The following FCHSD2 variants were observed in gnomAD, a reference collection of about 807,000 sequenced individuals.
The protein encoded by FCHSD2 is FCH and double SH3 domains 2.
Under a neutral mutation model 108.1 loss-of-function variants are expected in FCHSD2, and 38 were observed. The ratio of observed to expected loss-of-function variants is 0.35; its 90% CI spans 0.27 to 0.46. FCHSD2 has a LOEUF of 0.46. Among genes scored for constraint, FCHSD2 ranks in the 20% least tolerant of loss-of-function variants. FCHSD2 has a pLI of 1.00. For synonymous variants in FCHSD2, 279 were observed against 314.7 expected (o/e 0.89, Z 1.20); for missense variants, 751 against 897.8 (o/e 0.84, Z 2.09).
intron 9 of FCHSD2, among the ~76,000 whole-genome samples, chr11:72,915,789 G>A (rs1040414223): frequency 1.3e-5 from 2 of 152,170 alleles, no homozygotes; most frequent in African/African-American, 2.4e-5. Flanking sequence ...TTGCTCTCCA[G>A]CCTGGGTGAC....
chr11:72,988,227 T>C (rs371405339), intron 6 of FCHSD2, among the ~76,000 whole-genome samples: 1 of 152,204 alleles, frequency 6.6e-6, no homozygotes, highest in Non-Finnish European at 1.5e-5. Context: ...GTCTCAGCTC[T>C]CCTTCTCACA....
At chr11:73,079,300 G>T (rs1859628182) in intron 3 of FCHSD2, among the ~76,000 whole-genome samples, 1 of 151,292 alleles carries the variant, frequency 6.6e-6, no homozygotes, top group South Asian at 2.1e-4. Flanking sequence ...GGTTTCAAGT[G>T]ATTCTCCTGC....
intron 8 of FCHSD2, among the ~76,000 whole-genome samples, chr11:72,958,626 G>C (rs1856760797): frequency 6.6e-6 from 1 of 152,110 alleles, no homozygotes. Context: ...TTCCTATACT[G>C]ATCCATCAGT....
chr11:73,077,589 A>G, intron 3 of FCHSD2: 2 of 423,714 alleles, frequency 4.7e-6, no homozygotes, highest in South Asian at 3.5e-5. Context: ...AACTTTATTT[A>G]TAATACTCAA....
At chr11:73,139,940 A>G in intron 2 of FCHSD2, 91 bp downstream of exon 2, 1 of 670,810 alleles carries the variant, frequency 1.5e-6, no homozygotes, top group Non-Finnish European at 2.4e-6. Context: ...ATCCAAAAGG[A>G]AATTCCATCA....
chr11:72,860,217 G>A (rs1250146530), intron 13 of FCHSD2, among the ~76,000 whole-genome samples: 5 of 152,168 alleles, frequency 3.3e-5, no homozygotes, highest in African/African-American at 1.2e-4. Context: ...GTTCCTAACA[G>A]GCCATGGACC....
intron 2 of FCHSD2, among the ~76,000 whole-genome samples, chr11:73,128,011 CAAA>C (rs1340416463): frequency 1.4e-5 from 1 of 69,634 alleles, no homozygotes. Context: ...AAGACCATCT[CAAA>C]AAAAAAAAAA....
At chr11:73,020,704 T>G (rs1858080339) in intron 3 of FCHSD2, among the ~76,000 whole-genome samples, 3 of 152,054 alleles carry the variant, frequency 2.0e-5, no homozygotes, top group Non-Finnish European at 4.4e-5. Context: ...AATTACATAA[T>G]AAATTGTCTT....
At chr11:72,903,345 T>C (rs1291911615) in intron 9 of FCHSD2, among the ~76,000 whole-genome samples, 4 of 151,884 alleles carry the variant, frequency 2.6e-5, no homozygotes, top group Non-Finnish European at 4.4e-5. Flanking sequence ...GCTTCCCGAG[T>C]AGCTGGGACT....
intron 14 of FCHSD2, among the ~76,000 whole-genome samples, chr11:72,847,582 A>G (rs1861179341): frequency 6.6e-6 from 1 of 152,186 alleles, no homozygotes; most frequent in African/African-American, 2.4e-5. Flanking sequence ...GTACTATATG[A>G]AAGGACATTT....
intron 12 of FCHSD2, among the ~76,000 whole-genome samples, chr11:72,871,898 T>C (rs1854867286): frequency 6.6e-6 from 1 of 151,978 alleles, no homozygotes; most frequent in African/African-American, 2.4e-5. Context: ...AACAGGTACA[T>C]AATTTTGATT....
Position 72,887,511 on chromosome 11 carries a change from G to A in FCHSD2, c.1105C>T (p.Gln369Ter). The A allele has an allele frequency of 6.2e-7, 1 of 1,605,538 alleles. No homozygotes were observed. Among genetic ancestry groups the A allele is most frequent in the Non-Finnish European group, 8.5e-7 (1 of 1,176,628 alleles). ...TTTTCTCTAGCTTCATCTATTTTCT[G>A]TTCTAGCTCTGCTCGGCTTTGTTCT... is the stretch of plus-strand genomic sequence containing the variant. ...VSEQSRAELE[Q>*]KIDEARENIR... The change falls in exon 12 of 20, where the codon CAG becomes TAG. Residue 369 changes from glutamine to a stop codon, truncating the protein, a stop_gained. Coordinates refer to ENST00000409418, the MANE Select transcript of FCHSD2 (RefSeq NM_014824.3). LOFTEE classifies it high-confidence loss of function.
At chr11:73,106,730 A>G (rs1367945662) in intron 2 of FCHSD2, among the ~76,000 whole-genome samples, 1 of 152,124 alleles carries the variant, frequency 6.6e-6, no homozygotes, top group East Asian at 1.9e-4. Context: ...GAATCACAAA[A>G]ACTTACCATT....
At chr11:73,041,502 T>C (rs1411331526) in intron 3 of FCHSD2, among the ~76,000 whole-genome samples, 2 of 152,220 alleles carry the variant, frequency 1.3e-5, no homozygotes, top group Non-Finnish European at 2.9e-5. Context: ...CATTTTTTCA[T>C]ATACCTACTG....
intron 8 of FCHSD2, among the ~76,000 whole-genome samples, chr11:72,935,917 G>A (rs1404193408): frequency 6.6e-6 from 1 of 152,214 alleles, no homozygotes; most frequent in East Asian, 1.9e-4. Flanking sequence ...CTACTAGCAT[G>A]CAAGATAAGT....
intron 8 of FCHSD2, among the ~76,000 whole-genome samples, chr11:72,933,527 C>A (rs187002736): frequency 2.5e-4 from 38 of 152,216 alleles, no homozygotes; most frequent in Admixed American, 1.8e-3. Context: ...TGAGTTGGGT[C>A]ATTGTTATTT....
chr11:72,943,659 A>C (rs922873489), intron 8 of FCHSD2, among the ~76,000 whole-genome samples: 1 of 152,216 alleles, frequency 6.6e-6, no homozygotes, highest in Non-Finnish European at 1.5e-5. Context: ...AGTGTTTTAC[A>C]TATTTAAAAT....
intron 9 of FCHSD2, among the ~76,000 whole-genome samples, chr11:72,916,201 T>C (rs1855870351): frequency 6.6e-6 from 1 of 152,058 alleles, no homozygotes; most frequent in Non-Finnish European, 1.5e-5. Flanking sequence ...CCTGCACATG[T>C]ACCCCTGAAA....
At chr11:72,928,022 G>A (rs1200794257) in intron 8 of FCHSD2, among the ~76,000 whole-genome samples, 1 of 152,188 alleles carries the variant, frequency 6.6e-6, no homozygotes, top group Non-Finnish European at 1.5e-5. Context: ...TACTCCACAG[G>A]ACATAGTGAA....
Sources: gnomAD v4.1 joint callset for allele counts (sites outside exome capture counted in the v4.1 genomes callset) on GRCh38, gnomAD v4.1.1 for gene constraint, MANE v1.5 for transcripts, NCBI Gene and HGNC (gene_info 2026-07-23, HGNC 2026-07-21) for gene names.